ATP13A1: variants seen among roughly 807,000 people sequenced by gnomAD.
ATP13A1 encodes ATPase 13A1, also known as endoplasmic reticulum transmembrane helix translocase.
ATP13A1 carries 55 observed loss-of-function variants against 134.8 expected under a neutral mutation model. That is an observed-to-expected ratio of 0.41 (90% CI 0.33 to 0.51). The LOEUF (loss-of-function observed/expected upper bound fraction) is 0.51. ATP13A1 is among the 20% of genes least tolerant of loss of function. The pLI, the probability that ATP13A1 is intolerant of heterozygous loss-of-function variation, is 0.29. For synonymous variants in ATP13A1, 775 were observed against 725.1 expected (o/e 1.07, Z -1.10); for missense variants, 1,389 against 1,652.8 (o/e 0.84, Z 2.77).
chr19:19,659,678 G>C lies in ATP13A1; in HGVS notation c.600C>G (p.Phe200Leu). The C allele has an allele frequency of 6.2e-7, 1 of 1,613,932 alleles. No individual in the cohort carries two copies. The highest frequency in any genetic ancestry group is 8.5e-7 in the Non-Finnish European group (1 of 1,179,888). Residue 200 changes from phenylalanine (F) to leucine (L), a missense_variant, in exon 3 of 26, where the codon TTC (phenylalanine) becomes TTG (leucine). Coordinates refer to ENST00000357324, the MANE Select transcript of ATP13A1 (RefSeq NM_020410.3). ...AGCCTCTGTTGCTCTGATAGTATGAGAAGGCGTTTCCCACAGGAAAGGCCA... is the reference window on the plus strand; with the variant it reads ...AGCCTCTGTTGCTCTGATAGTATGACAAGGCGTTTCCCACAGGAAAGGCCA... ...LPVAFPVGNA[F>L]SYYQSNRGFQ... is the part of the protein sequence containing the mutation.
rs1388116842 is a variant in ATP13A1 at position 19,652,682 on chromosome 19, G to A, written c.2139C>T (p.Leu713=). The change falls in exon 16 of 26, where the codon CTC becomes CTT. Residue 713 remains leucine (L), a synonymous_variant. Coordinates refer to ENST00000357324, the MANE Select transcript of ATP13A1 (RefSeq NM_020410.3). ...AGACCACAATGAAGCCGACGAACTT[G>A]AGGCTGCACTCCAGGGCCTCCCGCT... ...EVKREALECS[L]KFVGFIVVSC... 6.2e-7 allele frequency: 1 copy of A among 1,608,428 alleles called. No homozygotes were observed. The highest frequency in any genetic ancestry group is 1.1e-5 in the South Asian group (1 of 89,938).
At chr19:19,652,063 T>A (rs2062027974) in intron 16 of ATP13A1, among the ~76,000 whole-genome samples, 1 of 152,028 alleles carries the variant, frequency 6.6e-6, no homozygotes, top group African/African-American at 2.4e-5. Flanking sequence ...AGGTGGACCC[T>A]TTTGGCTTGG....
intron 16 of ATP13A1, 96 bp from the exon 17 acceptor site, chr19:19,651,893 A>C (rs1231533507): frequency 2.1e-6 from 2 of 951,528 alleles, no homozygotes; most frequent in Admixed American, 2.6e-5. Context: ...GGTAGGCCAC[A>C]GTGGGAGATC....
At chr19:19,662,974 C>G in intron 1 of ATP13A1, 1 of 556,514 alleles carries the variant, frequency 1.8e-6, no homozygotes, top group Non-Finnish European at 3.4e-6. Flanking sequence ...CCTACCTGAC[C>G]TGGGCGACGT....
rs1185358706 is a variant in ATP13A1, at chr19:19,653,382, T to C, written c.2100+402A>G. The stretch of plus-strand genomic sequence containing the variant: ...TAAATTCTGGAAGGATCCGCAGCTG[T>C]AGGGTGCAAGCAGAAAGAACGAGAG... On this transcript the variant is annotated intron_variant, in intron 15 of 25. Transcript: ENST00000357324. This position sits in a 1 kb window ranked among gnomAD's most constrained non-coding sequence, Gnocchi z 4.2. 1 of 248,706 alleles carries C rather than the reference T, an allele frequency of 4.0e-6. No homozygotes were observed. Among genetic ancestry groups the C allele is most frequent in the African/African-American group, 2.3e-5 (1 of 43,946 alleles). The allele number at this position is 248,706 out of a possible 1,614,324, so 15.4% of individuals were successfully genotyped here. A position where few individuals can be genotyped will look rare whatever the true frequency, so the allele number is the denominator to read the frequency against.
chr19:19,654,793 C>T, intron 12 of ATP13A1, 93 bp from the exon 13 acceptor site: 2 of 1,431,686 alleles, frequency 1.4e-6, no homozygotes, highest in Non-Finnish European at 1.9e-6. Flanking sequence ...GCCATTCATT[C>T]CGTGCTTGTC....
At chr19:19,654,450 T>TC in intron 13 of ATP13A1, 93 bp downstream of exon 13, 1 of 1,427,262 alleles carries the variant, frequency 7.0e-7, no homozygotes, top group South Asian at 1.4e-5. Context: ...GGCCTGCCTG[T>TC]CCCCAAGATG....
intron 3 of ATP13A1, among the ~76,000 whole-genome samples, chr19:19,659,347 T>C (rs962837591): frequency 1.3e-5 from 2 of 151,960 alleles, no homozygotes; most frequent in African/African-American, 4.8e-5. Context: ...TCCCAGCTGC[T>C]TGGCAGGTTG....
In ATP13A1 at chr19:19,661,976, G is replaced by A. The variant is rs1196486887; in HGVS notation, c.396+1295C>T. 2.2e-5 allele frequency: 33 copies of A among 1,492,632 alleles called. No individual in the cohort carries two copies. In the South Asian group the frequency reaches 2.7e-4, roughly 12 times the overall value. 92.5% of individuals were successfully genotyped at this position (1,492,632 alleles called of 1,614,324 possible). On this transcript the variant is annotated intron_variant, in intron 1 of 25. Transcript: ENST00000357324. ...TCTCCGCTTCTCAAGATGGCACCCA[G>A]TAGTTGTTAGTTACGGTTCTCAGTT...
chr19:19,659,021 C>T (rs1407955100), intron 3 of ATP13A1, among the ~76,000 whole-genome samples: 4 of 152,246 alleles, frequency 2.6e-5, no homozygotes, highest in Non-Finnish European at 4.4e-5. Flanking sequence ...AAGAACCTTA[C>T]ACTCAAGGTC....
chr19:19,646,455 GCCA>G (rs939497054), intron 22 of ATP13A1, 108 bp from the exon 23 acceptor site: 19 of 1,282,988 alleles, frequency 1.5e-5, no homozygotes, highest in Admixed American at 2.0e-5. Context: ...CTTGTGTACA[GCCA>G]CCACCAAATC....
Position 19,647,642 on chromosome 19 carries a change from C to T in ATP13A1, c.2750G>A (p.Arg917Gln), listed in dbSNP as rs554029391. Residue 917 changes from arginine (R) to glutamine (Q), a missense_variant, in exon 20 of 26, where the codon CGG becomes CAG. Coordinates refer to ENST00000357324, the MANE Select transcript of ATP13A1 (RefSeq NM_020410.3). This position sits in a 1 kb window ranked among gnomAD's most constrained non-coding sequence, Gnocchi z 4.8. ...IRATSRTAKQ[R>Q]SGLPPSEEQP... ...CTCCTCGGAGGGAGGGAGCCCCGACCGCTGCTTGGCTGTCCTGGAGGTGGC... is the reference window on the plus strand; with the variant it reads ...CTCCTCGGAGGGAGGGAGCCCCGACTGCTGCTTGGCTGTCCTGGAGGTGGC... The T allele has an allele frequency of 2.0e-5, 33 of 1,613,228 alleles. No homozygotes were observed. Among genetic ancestry groups the T allele is most frequent in the Admixed American group, 3.3e-5 (2 of 60,014 alleles).
At chr19:19,654,508 T>G (rs1192219464) in intron 13 of ATP13A1, 35 bp downstream of exon 13, 1 of 1,566,170 alleles carries the variant, frequency 6.4e-7, no homozygotes, top group Non-Finnish European at 8.6e-7. Context: ...AGCCAGTGGC[T>G]CCCCCTTGCT....
In ATP13A1 at chr19:19,645,977, T is replaced by C; in HGVS notation, c.3257A>G (p.Gln1086Arg). 6.2e-7 allele frequency: 1 copy of C among 1,611,776 alleles called. No homozygotes were observed. The change falls in exon 24 of 26, where the codon CAG becomes CGG. Residue 1086 changes from glutamine to arginine, a missense_variant. Transcript: ENST00000357324. The surrounding 1 kb of genome is among the most constrained non-coding windows in gnomAD (Gnocchi z 4.1). ...AQARSPEKQE[Q>R]FVDLYKEFEP... The stretch of plus-strand genomic sequence containing the variant: ...AAACTCCTTGTACAAGTCCACGAAC[T>C]GCTCCTGCCTGCAAGGACACATGGG...
chr19:19,653,798 G>A lies in ATP13A1; in HGVS notation c.2086C>T (p.Leu696Phe). ...LALGYKELGH[L>F]THQQAREVKR... is the part of the protein sequence containing the mutation. ...TGGGCCCGTACCTGCTGGTGAGTGAGGTGTCCCAGCTCCTTGTACCCCAGC... is the reference window on the plus strand; with the variant it reads ...TGGGCCCGTACCTGCTGGTGAGTGAAGTGTCCCAGCTCCTTGTACCCCAGC... The change falls in exon 15 of 26, where the codon CTC (leucine) becomes TTC (phenylalanine). Residue 696 changes from leucine to phenylalanine, a missense_variant. Around this residue, in one of 4 missense-constraint regions of ATP13A1, gnomAD observed 747 missense variants for 956.1 expected, o/e 0.78. Coordinates refer to ENST00000357324, the MANE Select transcript of ATP13A1 (RefSeq NM_020410.3). The surrounding 1 kb of genome is among the most constrained non-coding windows in gnomAD (Gnocchi z 4.2). 1 of 1,552,508 alleles carries A rather than the reference G, an allele frequency of 6.4e-7. No homozygotes were observed. Among genetic ancestry groups the A allele is most frequent in the Non-Finnish European group, 8.7e-7 (1 of 1,147,682 alleles).
Position 19,654,056 on chromosome 19 carries a change from G to A in ATP13A1, c.1902C>T (p.Ser634=), listed in dbSNP as rs757882000. 1.4e-5 allele frequency: 22 copies of A among 1,596,770 alleles called. No individual in the cohort carries two copies. The Middle Eastern group carries it at 6.7e-4, about 48-fold the overall frequency. ...FHFASALKRM[S]VLASYEKLGS... ...CCAGCTTCTCATACGAGGCAAGCAC[G>A]GACATTCGCTTCAGGGCACTGGCAA... Residue 634 remains serine (S), a synonymous_variant, in exon 14 of 26, where the codon TCC becomes TCT. Coordinates refer to ENST00000357324, the MANE Select transcript of ATP13A1 (RefSeq NM_020410.3).
intron 1 of ATP13A1, chr19:19,661,990 C>T (rs2062097766): frequency 5.2e-6 from 8 of 1,526,376 alleles, no homozygotes; most frequent in Non-Finnish European, 7.1e-6. Flanking sequence ...TTGTTAGTTA[C>T]GGTTCTCAGT....
At position 19,654,546 on chromosome 19, in the gene ATP13A1, T is replaced by G; in HGVS notation, c.1810A>C (p.Lys604Gln). Reference protein sequence around the residue: ...MLTAVDWTLTKDEKVFPRSIK... With the variant: ...MLTAVDWTLTQDEKVFPRSIK... ...GCCTGAGGCCCCAGCCCCTCACCTT[T>G]GGTCAGCGTCCAGTCCACGGCCGTC... Residue 604 changes from lysine to glutamine, a missense_variant, in exon 13 of 26, where the codon AAA becomes CAA. Coordinates refer to ENST00000357324, the MANE Select transcript of ATP13A1 (RefSeq NM_020410.3). The G allele has an allele frequency of 6.2e-7, 1 of 1,605,218 alleles. No homozygotes were observed. The highest frequency in any genetic ancestry group is 8.5e-7 in the Non-Finnish European group (1 of 1,176,128).
chr19:19,650,201 G>A, intron 17 of ATP13A1: 3 of 569,880 alleles, frequency 5.3e-6, no homozygotes, highest in Non-Finnish European at 9.4e-6. Flanking sequence ...TGGGCAGTCT[G>A]ACCCCAGCTA....
Sources: allele counts gnomAD v4.1 joint callset (sites outside exome capture counted in the v4.1 genomes callset), GRCh38; gene constraint gnomAD v4.1.1; regional missense constraint gnomAD v4.1.1; non-coding constraint Gnocchi (gnomAD v3.1); transcripts MANE v1.5; gene names NCBI Gene and HGNC (gene_info 2026-07-23, HGNC 2026-07-21).